CNTLN: variants seen among roughly 807,000 people sequenced by gnomAD.
CNTLN encodes centlein, centrosomal protein.
In CNTLN, 212 loss-of-function variants were observed where a neutral mutation model predicts 180.0. That is an observed-to-expected ratio of 1.18 (90% confidence interval 1.05 to 1.32). CNTLN has a LOEUF of 1.32. CNTLN is among the 40% of genes most tolerant of loss of function. The probability of loss-of-function intolerance (pLI) is 0.00; values close to 1 mark genes in which losing one functional copy is unlikely to be tolerated. For missense variants in CNTLN, 2,095 were observed against 1,610.9 expected, an observed-to-expected ratio of 1.30 and a Z score of -5.14; for synonymous variants, 722 against 563.1, an observed-to-expected ratio of 1.28 and a Z score of -3.99.
intron 12 of CNTLN, among the ~76,000 whole-genome samples, chr9:17,346,940 C>G (rs1587724381): frequency 6.6e-6 from 1 of 152,128 alleles, no homozygotes; most frequent in Non-Finnish European, 1.5e-5. Flanking sequence ...CTCTGTTATT[C>G]AGATTTGGTA....
rs138413189 is a variant in CNTLN, at chr9:17,311,271, C to T, written c.1341+2019C>T. Among the ~76,000 whole-genome samples, 1,133 of 151,896 alleles carry T rather than the reference C, an allele frequency of 7.5e-3. 27 individuals carry two copies. The highest frequency in any genetic ancestry group is 0.052 in the East Asian group (265 of 5,074). On this transcript the variant is annotated intron_variant, in intron 8 of 25. Transcript: ENST00000380647. ...AACTCCTGACCTCAGGTGATCCACC[C>T]GCCGTGGCCTTCCAAAGTGCTGGGA...
chr9:17,340,484 A>C (rs1049006044), intron 10 of CNTLN, among the ~76,000 whole-genome samples: 2 of 152,208 alleles, frequency 1.3e-5, no homozygotes, highest in Non-Finnish European at 2.9e-5. Flanking sequence ...TTATGTATAG[A>C]TAAAACCTTA....
intron 18 of CNTLN, among the ~76,000 whole-genome samples, chr9:17,421,328 T>C (rs1158007351): frequency 6.6e-6 from 1 of 152,148 alleles, no homozygotes; most frequent in African/African-American, 2.4e-5. Context: ...AATGACCTTT[T>C]CTTTCTCTCT....
In CNTLN at chr9:17,394,505, T is replaced by A. The variant is rs886942731; in HGVS notation, c.2080-29T>A. 3 of 1,404,486 alleles carry A rather than the reference T, an allele frequency of 2.1e-6. No homozygotes were observed. In the African/African-American group the frequency reaches 4.3e-5, roughly 20 times the overall value. 87.0% of individuals were successfully genotyped at this position (1,404,486 alleles called of 1,614,324 possible). On this transcript the variant is annotated intron_variant, in intron 14 of 25. Transcript: ENST00000380647. ...AGTATAGTAGATTATGGTTTTTGGA[T>A]TCTTAAAAGAATAAACTCTTTCCTT...
intron 25 of CNTLN, among the ~76,000 whole-genome samples, chr9:17,499,209 A>G (rs2754312): frequency 0.93 from 141,384 of 152,220 alleles, 66,182 homozygotes; most frequent in Non-Finnish European, 0.98. Context: ...CTACATGCTG[A>G]GAATTGATGT....
At chr9:17,275,661 A>G (rs1269561440) in intron 6 of CNTLN, among the ~76,000 whole-genome samples, 1 of 152,162 alleles carries the variant, frequency 6.6e-6, no homozygotes, top group Non-Finnish European at 1.5e-5. Flanking sequence ...GACATGGGAT[A>G]TAACAACTAT....
chr9:17,524,054 A>C, the CNTLN span, among the ~76,000 whole-genome samples: 5 of 152,350 alleles, frequency 3.3e-5, no homozygotes, highest in East Asian at 9.6e-4. Context: ...AAAAGTGACT[A>C]TTTGTAAATT....
intron 2 of CNTLN, among the ~76,000 whole-genome samples, chr9:17,149,063 C>T (rs1433600401): frequency 3.9e-5 from 6 of 152,132 alleles, no homozygotes; most frequent in African/African-American, 1.2e-4. Flanking sequence ...TGAGAACATG[C>T]AGTGTTTGGT....
At chr9:17,510,731 A>G in the CNTLN span, among the ~76,000 whole-genome samples, 1 of 152,184 alleles carries the variant, frequency 6.6e-6, no homozygotes, top group South Asian at 2.1e-4. Flanking sequence ...TTCCATGAGG[A>G]AACTCCTCAG....
intron 6 of CNTLN, among the ~76,000 whole-genome samples, chr9:17,278,122 C>A (rs1185707657): frequency 1.3e-5 from 2 of 152,010 alleles, no homozygotes; most frequent in African/African-American, 2.4e-5. Context: ...AATATCCGGA[C>A]CTCTTTCTCC....
At chr9:17,522,814 T>C in the CNTLN span, among the ~76,000 whole-genome samples, 18 of 152,336 alleles carry the variant, frequency 1.2e-4, no homozygotes, top group South Asian at 2.3e-3. Flanking sequence ...CGCTGCCCCC[T>C]GCCCACCTTG....
At chr9:17,324,087 T>G (rs1440187253) in intron 8 of CNTLN, among the ~76,000 whole-genome samples, 2 of 152,196 alleles carry the variant, frequency 1.3e-5, no homozygotes, top group African/African-American at 4.8e-5. Context: ...ATAGAGATGA[T>G]AATGTATAAC....
At chr9:17,177,181 A>G (rs1563850765) in intron 2 of CNTLN, among the ~76,000 whole-genome samples, 1 of 152,222 alleles carries the variant, frequency 6.6e-6, no homozygotes, top group Non-Finnish European at 1.5e-5. Context: ...AGGCTGAGGC[A>G]GGCAGATCAC....
chr9:17,483,234 G>T (rs1311741887), intron 23 of CNTLN, among the ~76,000 whole-genome samples: 2 of 151,862 alleles, frequency 1.3e-5, no homozygotes, highest in African/African-American at 4.8e-5. Context: ...GCTCAACTTT[G>T]TTTATAATGA....
chr9:17,472,251 T>C (rs774961521), intron 23 of CNTLN, among the ~76,000 whole-genome samples: 1 of 152,134 alleles, frequency 6.6e-6, no homozygotes, highest in Non-Finnish European at 1.5e-5. Context: ...ATTCCTGTAT[T>C]ATTCATACCT....
intron 8 of CNTLN, among the ~76,000 whole-genome samples, chr9:17,316,623 A>G (rs1300690630): frequency 6.6e-6 from 1 of 152,060 alleles, no homozygotes; most frequent in African/African-American, 2.4e-5. Context: ...CATAAGGTAA[A>G]CCATTTTAAG....
chr9:17,185,340 G>A (rs1036883519), intron 2 of CNTLN, among the ~76,000 whole-genome samples: 1 of 152,138 alleles, frequency 6.6e-6, no homozygotes, highest in African/African-American at 2.4e-5. Flanking sequence ...GCCAGAAACT[G>A]GATGGCTCCA....
chr9:17,521,833 A>C, the CNTLN span, among the ~76,000 whole-genome samples: 1 of 152,240 alleles, frequency 6.6e-6, no homozygotes, highest in African/African-American at 2.4e-5. Context: ...AAAATTAATT[A>C]CTAACAGTTT....
At chr9:17,527,138 C>G in the CNTLN span, among the ~76,000 whole-genome samples, 1 of 152,262 alleles carries the variant, frequency 6.6e-6, no homozygotes, top group East Asian at 1.9e-4. Flanking sequence ...CTACCTCAGC[C>G]TCCCAAAGTC....
Sources: gnomAD v4.1 joint callset for allele counts (sites outside exome capture counted in the v4.1 genomes callset) on GRCh38, gnomAD v4.1.1 for gene constraint, MANE v1.5 for transcripts, NCBI Gene and HGNC (gene_info 2026-07-23, HGNC 2026-07-21) for gene names.